PLCB2: variants seen among roughly 807,000 people sequenced by gnomAD.
The protein encoded by PLCB2 is phospholipase C beta 2.
A neutral mutation model predicts 141.7 loss-of-function variants in PLCB2; 115 were observed. That is an observed-to-expected ratio of 0.81 (90% CI 0.70 to 0.95). The LOEUF is 0.95. PLCB2 is among the 40% of genes least tolerant of loss of function. The probability of loss-of-function intolerance (pLI) is 0.00; values close to 1 mark genes in which losing one functional copy is unlikely to be tolerated. For synonymous variants in PLCB2, 603 were observed against 595.6 expected (o/e 1.01, Z -0.18); for missense variants, 1,403 against 1,541.1 (o/e 0.91, Z 1.50).
intron 7 of PLCB2, 151 bp from the exon 8 acceptor site, chr15:40,299,379 A>C: frequency 1.2e-5 from 7 of 595,504 alleles, no homozygotes; most frequent in East Asian, 5.6e-5. Flanking sequence ...TCCACTTCTC[A>C]AGGCCCTGGT....
Position 40,288,286 on chromosome 15 carries a change from T to A in PLCB2, c.*429A>T. On this transcript the variant is annotated 3_prime_UTR_variant, in exon 32 of 32. Transcript: ENST00000260402. Reference sequence around the variant, plus strand: ...AACTCAGGGCAGGCCTGATGGGGCCTGGAAGCCTGGGGCAGGAGGGTTCGG... The same window carrying A: ...AACTCAGGGCAGGCCTGATGGGGCCAGGAAGCCTGGGGCAGGAGGGTTCGG... 1 of 990,788 alleles carries A rather than the reference T, an allele frequency of 1.0e-6. No homozygotes were observed. Among genetic ancestry groups the A allele is most frequent in the Non-Finnish European group, 1.2e-6 (1 of 833,646 alleles). The allele number at this position is 990,788 out of a possible 1,614,324, so 61.4% of individuals were successfully genotyped here.
Position 40,298,701 on chromosome 15 carries a change from C to T in PLCB2, c.858G>A (p.Leu286=), listed in dbSNP as rs1391821349. ...GAAACCAGACCATGCCTTCAGGTGA[C>T]AGCTGGCCTGGGGGACAGGAGATAG... ...PSGINAQRGQ[L]SPEGMVWFLC... Residue 286 remains leucine (L), a synonymous_variant, in exon 10 of 32, where the codon CTG becomes CTA. Transcript: ENST00000260402. 6.2e-7 allele frequency: 1 copy of T among 1,614,190 alleles called. No homozygotes were observed. The highest frequency in any genetic ancestry group is 1.7e-5 in the Admixed American group (1 of 60,018).
In PLCB2 at chr15:40,291,953, G is replaced by A. The variant is rs1304435820; in HGVS notation, c.2527-29C>T. ...TGTAGGGAGAGCAGGTCAGGAAGGTGGCTTGACAGCCCTCTCTCCCCGAGC... is the reference window on the plus strand; with the variant it reads ...TGTAGGGAGAGCAGGTCAGGAAGGTAGCTTGACAGCCCTCTCTCCCCGAGC... On this transcript the variant is annotated intron_variant, in intron 23 of 31. Coordinates refer to ENST00000260402, the MANE Select transcript of PLCB2 (RefSeq NM_004573.3). 3.1e-6 allele frequency: 5 copies of A among 1,612,274 alleles called. No individual in the cohort carries two copies. The Admixed American group carries it at 5.0e-5, about 16-fold the overall frequency.
At position 40,296,382 on chromosome 15, in the gene PLCB2, C is replaced by G; in HGVS notation, c.1610G>C (p.Gly537Ala). Residue 537 changes from glycine (G) to alanine (A), a missense_variant, in exon 16 of 32, where the codon GGC becomes GCC. Gly to Ala is a moderately conservative substitution (Grantham distance 60). Transcript: ENST00000260402. ...KKMQSDEGTA[G>A]LEVTAYEEMS... The stretch of plus-strand genomic sequence containing the variant: ...CTCCTCATAAGCCGTCACTTCCAGG[C>G]CCGCTGTGCCCTAAGGAGAAGAGGG... 6.2e-7 allele frequency: 1 copy of G among 1,613,742 alleles called. No individual in the cohort carries two copies. Among genetic ancestry groups the G allele is most frequent in the Non-Finnish European group, 8.5e-7 (1 of 1,179,828 alleles).
Position 40,295,997 on chromosome 15 carries a change from C to T in PLCB2, c.1696+299G>A, listed in dbSNP as rs577007431. On this transcript the variant is annotated intron_variant, in intron 16 of 31. Coordinates refer to ENST00000260402, the MANE Select transcript of PLCB2 (RefSeq NM_004573.3). ...ATGTCCCACGGCCAGGGCTTCTGGGCTTGGGCCAGCCCACAGCACAGTTCA... is the reference window on the plus strand; with the variant it reads ...ATGTCCCACGGCCAGGGCTTCTGGGTTTGGGCCAGCCCACAGCACAGTTCA... Among the ~76,000 whole-genome samples the T allele has an allele frequency of 3.3e-5, 5 of 152,296 alleles. No individual in the cohort carries two copies. The South Asian group carries it at 1.0e-3, about 32-fold the overall frequency.
downstream of PLCB2, chr15:40,284,481 A>G (rs1416660269): frequency 6.6e-6 from 3 of 455,870 alleles, no homozygotes; most frequent in Non-Finnish European, 1.3e-5. Context: ...TGGGCAGGAG[A>G]GGGCTCTCGG....
intron 20 of PLCB2, 128 bp from the exon 21 acceptor site, chr15:40,293,153 G>A: frequency 1.6e-6 from 1 of 621,784 alleles, no homozygotes; most frequent in Non-Finnish European, 2.9e-6. Flanking sequence ...GGTGAGGACA[G>A]ACAGAGGGCA....
At chr15:40,290,260 G>A (rs540656898) in intron 29 of PLCB2, among the ~76,000 whole-genome samples, 178 bp from the exon 30 acceptor site, 12 of 152,224 alleles carry the variant, frequency 7.9e-5, no homozygotes, top group African/African-American at 2.9e-4. Flanking sequence ...GGGGCCCTCT[G>A]AGGGAACCAT....
At chr15:40,293,845 A>G (rs2040057936) in intron 19 of PLCB2, 121 bp from the exon 20 acceptor site, 1 of 961,500 alleles carries the variant, frequency 1.0e-6, no homozygotes, top group Non-Finnish European at 1.6e-6. Context: ...GAAGAACCTC[A>G]CTCAGCTCTG....
At chr15:40,303,548 A>G (rs146972280) in intron 2 of PLCB2, among the ~76,000 whole-genome samples, 192 bp from the exon 3 acceptor site, 5 of 152,044 alleles carry the variant, frequency 3.3e-5, no homozygotes, top group African/African-American at 1.2e-4. Context: ...GGTTCTCTCT[A>G]TTCATGCAGA....
downstream of PLCB2, chr15:40,287,894 G>C (rs1422652527): frequency 1.0e-6 from 1 of 980,558 alleles, no homozygotes; most frequent in African/African-American, 1.8e-5. Context: ...ATAGAGACCA[G>C]GCTTAAGCAG....
chr15:40,306,698 A>G (rs560827856), intron 1 of PLCB2, among the ~76,000 whole-genome samples: 1 of 152,122 alleles, frequency 6.6e-6, no homozygotes, highest in African/African-American at 2.4e-5. Context: ...CCCACCTCCC[A>G]TCAGGTGGAC....
At chr15:40,289,051 G>T in intron 31 of PLCB2, 133 bp from the exon 32 acceptor site, 1 of 1,348,354 alleles carries the variant, frequency 7.4e-7, no homozygotes, top group East Asian at 2.5e-5. Flanking sequence ...GAGAGGCAGG[G>T]TGGGGGAGTG....
downstream of PLCB2, chr15:40,286,032 C>G: frequency 2.0e-6 from 2 of 985,488 alleles, no homozygotes; most frequent in Non-Finnish European, 2.4e-6. Flanking sequence ...AGGTCTCGAG[C>G]CCTGGAGCCT....
intron 3 of PLCB2, 118 bp from the exon 4 acceptor site, chr15:40,302,727 C>A: frequency 9.0e-7 from 1 of 1,110,490 alleles, no homozygotes; most frequent in Non-Finnish European, 1.3e-6. Context: ...AACCCCATCC[C>A]CATCCCAGGA....
rs200358153 is a variant in PLCB2, at chr15:40,307,682, C to T, written c.-10G>A. 56 of 1,548,200 alleles carry T rather than the reference C, an allele frequency of 3.6e-5. No homozygotes were observed. Among genetic ancestry groups the T allele is most frequent in the Admixed American group, 3.1e-4 (16 of 51,926 alleles). ...GGTTGAGCAGAGACATGGTGCCAAG[C>T]GTTCCTCTTTGCAGAATCTCAGCAG... On this transcript the variant is annotated 5_prime_UTR_variant, in exon 1 of 32. Coordinates refer to ENST00000260402, the MANE Select transcript of PLCB2 (RefSeq NM_004573.3).
Position 40,294,250 on chromosome 15 carries a change from T to A in PLCB2, c.2061+16A>T. 4 of 1,609,614 alleles carry A rather than the reference T, an allele frequency of 2.5e-6. No homozygotes were observed. Among genetic ancestry groups the A allele is most frequent in the Non-Finnish European group, 3.4e-6 (4 of 1,177,980 alleles). On this transcript the variant is annotated intron_variant, in intron 19 of 31. Transcript: ENST00000260402. ...GACCTCAGCCTCCCGGCCACTTGTG[T>A]GCCCCAGGGCCTTGCCGTAATGGAA... is the stretch of plus-strand genomic sequence containing the variant.
Position 40,297,854 on chromosome 15 carries a change from G to A in PLCB2, c.1238+23C>T, listed in dbSNP as rs1449918670. On this transcript the variant is annotated intron_variant, in intron 12 of 31. Coordinates refer to ENST00000260402, the MANE Select transcript of PLCB2 (RefSeq NM_004573.3). The surrounding 1 kb of genome is among the most constrained non-coding windows in gnomAD (Gnocchi z 4.2). ...AGACTGGGGGCTGGGTGAGAATGTG[G>A]CTGAATGGGCCTGGATACGCACGAG... 7 of 1,586,244 alleles carry A rather than the reference G, an allele frequency of 4.4e-6. No individual in the cohort carries two copies. Among genetic ancestry groups the A allele is most frequent in the Middle Eastern group, 1.7e-4 (1 of 5,996 alleles).
At position 40,297,371 on chromosome 15, in the gene PLCB2, GAC is replaced by G. The variant is rs2040276475; in HGVS notation, c.1323+148_1323+149del. 2.9e-6 allele frequency: 2 copies of G among 695,680 alleles called. No individual in the cohort carries two copies. The highest frequency in any genetic ancestry group is 3.1e-4 in the Middle Eastern group (1 of 3,196). 43.1% of individuals were successfully genotyped at this position (695,680 alleles called of 1,614,324 possible). On this transcript the variant is annotated intron_variant, in intron 13 of 31. Coordinates refer to ENST00000260402, the MANE Select transcript of PLCB2 (RefSeq NM_004573.3). This position sits in a 1 kb window ranked among gnomAD's most constrained non-coding sequence, Gnocchi z 4.2. ...TACCCTGAAGCCCAGCCCAGTGCCT[GAC>G]ACACGGAAGGTGACAGGATCCCAGA...
Sources: allele counts gnomAD v4.1 joint callset (sites outside exome capture counted in the v4.1 genomes callset), GRCh38; gene constraint gnomAD v4.1.1; non-coding constraint Gnocchi (gnomAD v3.1); transcripts MANE v1.5; gene names NCBI Gene and HGNC (gene_info 2026-07-23, HGNC 2026-07-21).